The following PIK3C2G variants were observed in gnomAD, a reference collection of about 807,000 sequenced individuals.
PIK3C2G encodes the protein phosphatidylinositol 3-kinase C2 domain-containing subunit gamma.
Under a neutral mutation model 181.1 loss-of-function variants are expected in PIK3C2G, and 168 were observed. The observed-to-expected ratio is 0.93, with a 90% confidence interval of 0.82 to 1.05. PIK3C2G has a LOEUF of 1.05. Among genes scored for constraint, PIK3C2G ranks in the 50% least tolerant of loss-of-function variants. The pLI is 0.00. For synonymous variants in PIK3C2G, 573 were observed against 592.2 expected (o/e 0.97, Z 0.47); for missense variants, 1,869 against 1,732.8 (o/e 1.08, Z -1.40).
intron 1 of PIK3C2G, among the ~76,000 whole-genome samples, chr12:18,266,018 A>C (rs1948478324): frequency 6.5e-5 from 4 of 61,456 alleles, no homozygotes; most frequent in African/African-American, 1.9e-4. Context: ...TCATCTAAAA[A>C]AAAAAAAAAA....
intron 18 of PIK3C2G, among the ~76,000 whole-genome samples, chr12:18,430,278 G>C (rs1946082137): frequency 6.6e-6 from 1 of 152,154 alleles, no homozygotes; most frequent in Non-Finnish European, 1.5e-5. Context: ...TACCAAGTCT[G>C]ATTGAACAAA....
chr12:18,533,623 A>G (rs1943673097), intron 24 of PIK3C2G, among the ~76,000 whole-genome samples: 1 of 152,148 alleles, frequency 6.6e-6, no homozygotes. Flanking sequence ...TTCTTATTTA[A>G]TAAATTTATA....
chr12:18,343,103 A>C (rs540244135), intron 9 of PIK3C2G, among the ~76,000 whole-genome samples: 278 of 152,238 alleles, frequency 1.8e-3, no homozygotes, highest in African/African-American at 6.4e-3. Context: ...TTTTAAAAAA[A>C]TACATAACCT....
chr12:18,612,005 G>A (rs1948365174), intron 31 of PIK3C2G, among the ~76,000 whole-genome samples: 1 of 152,106 alleles, frequency 6.6e-6, no homozygotes, highest in Non-Finnish European at 1.5e-5. Flanking sequence ...TGCGGAAGGA[G>A]TCTTATATCA....
intron 29 of PIK3C2G, among the ~76,000 whole-genome samples, chr12:18,569,857 T>C (rs1487515855): frequency 6.6e-6 from 1 of 152,186 alleles, no homozygotes; most frequent in Non-Finnish European, 1.5e-5. Flanking sequence ...TTTTTGGTCA[T>C]TCGGATATCT....
chr12:18,313,776 T>C (rs1591921512), intron 5 of PIK3C2G, among the ~76,000 whole-genome samples, 186 bp from the exon 6 acceptor site: 1 of 150,952 alleles, frequency 6.6e-6, no homozygotes, highest in South Asian at 2.1e-4. Flanking sequence ...TATTCATTTA[T>C]ACACAAAAAT....
At chr12:18,301,413 A>G (rs981912642) in intron 5 of PIK3C2G, among the ~76,000 whole-genome samples, 1 of 151,800 alleles carries the variant, frequency 6.6e-6, no homozygotes, top group South Asian at 2.1e-4. Context: ...ATATTGTTTT[A>G]CTTTTTTTTT....
chr12:18,589,879 T>C (rs1377246685), intron 29 of PIK3C2G, among the ~76,000 whole-genome samples: 1 of 151,938 alleles, frequency 6.6e-6, no homozygotes, highest in African/African-American at 2.4e-5. Context: ...TAGGTCAAAC[T>C]AGCCTTAAGC....
At chr12:18,445,524 A>G (rs888562791) in intron 18 of PIK3C2G, among the ~76,000 whole-genome samples, 1 of 152,152 alleles carries the variant, frequency 6.6e-6, no homozygotes, top group Non-Finnish European at 1.5e-5. Context: ...AGGTTTGTTT[A>G]TCAGTTATCT....
At chr12:18,599,681 TA>T (rs761516293) in intron 30 of PIK3C2G, among the ~76,000 whole-genome samples, 8,240 of 99,252 alleles carry the variant, frequency 0.083, 275 homozygotes, top group African/African-American at 0.12. Context: ...TAAATATAAA[TA>T]AAAAAAAATA....
chr12:18,487,788 C>T (rs1025575312), intron 18 of PIK3C2G, among the ~76,000 whole-genome samples: 2 of 152,096 alleles, frequency 1.3e-5, no homozygotes, highest in African/African-American at 4.8e-5. Flanking sequence ...CTTTCAAATG[C>T]ATTGCCTCAT....
the PIK3C2G span, chr12:18,684,261 T>C: frequency 1.2e-6 from 2 of 1,609,244 alleles, no homozygotes; most frequent in Non-Finnish European, 1.7e-6. Context: ...GAATGTTTCA[T>C]TCCATCTTGG....
chr12:18,628,515 G>A (rs1433355254), intron 31 of PIK3C2G, among the ~76,000 whole-genome samples: 1 of 152,192 alleles, frequency 6.6e-6, no homozygotes, highest in South Asian at 2.1e-4. Flanking sequence ...AACAAAGGCA[G>A]AAGATTGGTA....
intron 24 of PIK3C2G, among the ~76,000 whole-genome samples, chr12:18,509,849 C>A (rs1942094067): frequency 6.6e-6 from 1 of 152,192 alleles, no homozygotes; most frequent in African/African-American, 2.4e-5. Context: ...AATCAAAGAA[C>A]AACTGAGGTA....
At chr12:18,304,482 C>A (rs1024609173) in intron 5 of PIK3C2G, among the ~76,000 whole-genome samples, 14 of 152,176 alleles carry the variant, frequency 9.2e-5, no homozygotes, top group African/African-American at 3.1e-4. Context: ...GTCTCAAATG[C>A]CTGACCTCTA....
intron 29 of PIK3C2G, among the ~76,000 whole-genome samples, chr12:18,584,689 G>A (rs1946681293): frequency 6.6e-6 from 1 of 152,040 alleles, no homozygotes; most frequent in South Asian, 2.1e-4. Context: ...AGTAAATATA[G>A]AGGACCCCTG....
At position 18,293,936 on chromosome 12, in the gene PIK3C2G, C is replaced by A. The variant is rs1949821886; in HGVS notation, c.955C>A (p.Leu319Met). 3 of 1,587,980 alleles carry A rather than the reference C, an allele frequency of 1.9e-6. No homozygotes were observed. Among genetic ancestry groups the A allele is most frequent in the Non-Finnish European group, 2.6e-6 (3 of 1,156,664 alleles). ...TGTCAAAGATCTAATTGCAGAAATT[C>A]TGCATTTTTGCACAAATGACCAGCT... ...YLVKDLIAEI[L>M]HFCTNDQLLP... Residue 319 changes from leucine (L) to methionine (M), a missense_variant, in exon 5 of 33, where the codon CTG becomes ATG. Coordinates refer to ENST00000538779, the MANE Select transcript of PIK3C2G (RefSeq NM_001288772.2).
At chr12:18,705,139 C>T in the PIK3C2G span, 2 of 1,612,258 alleles carry the variant, frequency 1.2e-6, no homozygotes, top group Non-Finnish European at 1.7e-6. Context: ...TTTTTCTTAA[C>T]CTGAGTTTCT....
At chr12:18,573,859 A>T (rs186715884) in intron 29 of PIK3C2G, among the ~76,000 whole-genome samples, 1 of 152,300 alleles carries the variant, frequency 6.6e-6, no homozygotes, top group African/African-American at 2.4e-5. Flanking sequence ...CCCAAAAAGT[A>T]TTAAAGGATT....
Sources: gnomAD v4.1 joint callset for allele counts (sites outside exome capture counted in the v4.1 genomes callset) on GRCh38, gnomAD v4.1.1 for gene constraint, MANE v1.5 for transcripts, NCBI Gene and HGNC (gene_info 2026-07-23, HGNC 2026-07-21) for gene names.